CPQ: variants seen among roughly 807,000 people sequenced by gnomAD.
CPQ encodes Ser-Met dipeptidase.
A neutral mutation model predicts 45.7 loss-of-function variants in CPQ; 37 were observed. That is an observed-to-expected ratio of 0.81 (90% CI 0.62 to 1.07). The LOEUF is 1.07. Among genes scored for constraint, CPQ ranks in the 50% least tolerant of loss-of-function variants. The probability of loss-of-function intolerance (pLI) is 0.00; values close to 1 mark genes in which losing one functional copy is unlikely to be tolerated. For synonymous variants in CPQ, 186 were observed against 205.8 expected (o/e 0.90, Z 0.82); for missense variants, 537 against 572.9 (o/e 0.94, Z 0.64).
chr8:96,738,190 A>C (rs1035254813), intron 1 of CPQ, among the ~76,000 whole-genome samples: 20 of 152,078 alleles, frequency 1.3e-4, no homozygotes, highest in African/African-American at 4.8e-4. Flanking sequence ...GTGTATTCTC[A>C]AGTTGTTGGA....
chr8:96,698,327 C>T (rs1207253563), intron 1 of CPQ, among the ~76,000 whole-genome samples: 1 of 152,054 alleles, frequency 6.6e-6, no homozygotes, highest in African/African-American at 2.4e-5. Context: ...CCCCATCTTT[C>T]ATGATATACA....
chr8:96,925,420 A>G (rs1029810607), intron 4 of CPQ, among the ~76,000 whole-genome samples: 65 of 145,984 alleles, frequency 4.5e-4, no homozygotes, highest in Non-Finnish European at 8.1e-4. Context: ...GTCTCACTCC[A>G]TCCCCCAGGC....
chr8:96,665,512 T>C (rs116439791), intron 1 of CPQ, among the ~76,000 whole-genome samples: 3,710 of 152,224 alleles, frequency 0.024, 160 homozygotes, highest in African/African-American at 0.084. Flanking sequence ...AAGAGGGAAA[T>C]CCCGAGTTAG....
At chr8:96,908,569 A>G (rs1812611804) in intron 4 of CPQ, among the ~76,000 whole-genome samples, 1 of 152,174 alleles carries the variant, frequency 6.6e-6, no homozygotes, top group African/African-American at 2.4e-5. Flanking sequence ...ATCTGAAGGC[A>G]CATTTGAGGG....
chr8:96,815,977 T>A (rs1427069865), intron 2 of CPQ, among the ~76,000 whole-genome samples: 3 of 152,192 alleles, frequency 2.0e-5, no homozygotes, highest in Non-Finnish European at 4.4e-5. Flanking sequence ...TGCCTTGATG[T>A]TGACGGCTGC....
At chr8:96,855,228 G>GTT (rs1811831039) in intron 3 of CPQ, among the ~76,000 whole-genome samples, 1 of 152,168 alleles carries the variant, frequency 6.6e-6, no homozygotes, top group Admixed American at 6.5e-5. Flanking sequence ...CCAGAATAAA[G>GTT]TTTGACCAAA....
At chr8:97,095,120 G>A (rs899798639) in intron 7 of CPQ, among the ~76,000 whole-genome samples, 1 of 151,920 alleles carries the variant, frequency 6.6e-6, no homozygotes, top group African/African-American at 2.4e-5. Context: ...CTCATCCTTG[G>A]ACTCTATTTA....
At chr8:96,648,513 C>T (rs987745654) in intron 1 of CPQ, among the ~76,000 whole-genome samples, 4 of 152,156 alleles carry the variant, frequency 2.6e-5, no homozygotes, top group Middle Eastern at 3.4e-3. Context: ...GAGGGATGTA[C>T]TTGTGGATCT....
rs114180228 is a variant in CPQ, at chr8:96,668,972, G to T, written c.-35+23570G>T. ...ACTTTTAAAAAGTAACCACTCTATT[G>T]CAAACAAACAGAAAAAATTGTGGCC... On this transcript the variant is annotated intron_variant, in intron 1 of 7. Transcript: ENST00000220763. Among the ~76,000 whole-genome samples, 475 of 152,246 alleles carry T rather than the reference G, an allele frequency of 3.1e-3. 4 individuals carry two copies. Among genetic ancestry groups the T allele is most frequent in the African/African-American group, 0.011 (448 of 41,546 alleles).
chr8:97,116,664 A>T (rs1428036854), intron 7 of CPQ, among the ~76,000 whole-genome samples: 1 of 152,204 alleles, frequency 6.6e-6, no homozygotes, highest in Non-Finnish European at 1.5e-5. Flanking sequence ...TGTGATATAA[A>T]TGAAACCCCG....
chr8:96,710,061 G>A (rs556714590), intron 1 of CPQ, among the ~76,000 whole-genome samples: 1 of 151,942 alleles, frequency 6.6e-6, no homozygotes, highest in Non-Finnish European at 1.5e-5. Context: ...CTGATTCGAT[G>A]TTACTGCTTG....
At chr8:96,676,734 G>T (rs1586354665) in intron 1 of CPQ, among the ~76,000 whole-genome samples, 1 of 151,892 alleles carries the variant, frequency 6.6e-6, no homozygotes, top group East Asian at 1.9e-4. Context: ...ACATGGATAG[G>T]CTGTTTAGTG....
At chr8:97,044,474 T>G (rs1300757490) in intron 6 of CPQ, among the ~76,000 whole-genome samples, 1 of 152,246 alleles carries the variant, frequency 6.6e-6, no homozygotes, top group African/African-American at 2.4e-5. Context: ...GAAGCCTTCT[T>G]CTCTCAACTT....
chr8:97,129,623 A>G (rs1347406960), intron 7 of CPQ, among the ~76,000 whole-genome samples: 1 of 152,172 alleles, frequency 6.6e-6, no homozygotes, highest in African/African-American at 2.4e-5. Context: ...CCACGCTCAC[A>G]GCGAAACAGC....
chr8:96,962,360 G>A (rs897122974), intron 4 of CPQ, among the ~76,000 whole-genome samples: 1 of 152,188 alleles, frequency 6.6e-6, no homozygotes, highest in African/African-American at 2.4e-5. Context: ...AAAGGAATTG[G>A]TCAGTGCCTT....
rs148220438 is a variant in CPQ, at chr8:97,039,191, G to A, written c.1053+9697G>A. ...CATAATTACCTTGTTGGAGGAAGAAGTTAATGTACTTCCCGAGTATTTCTA... is the reference window on the plus strand; with the variant it reads ...CATAATTACCTTGTTGGAGGAAGAAATTAATGTACTTCCCGAGTATTTCTA... On this transcript the variant is annotated intron_variant, in intron 6 of 7. Transcript: ENST00000220763. 7.0e-3 allele frequency among the ~76,000 whole-genome samples: 1,069 copies of A among 152,268 alleles called. 13 individuals carry two copies. Among genetic ancestry groups the A allele is most frequent in the African/African-American group, 0.024 (1,007 of 41,532 alleles).
intron 4 of CPQ, among the ~76,000 whole-genome samples, chr8:96,908,747 G>GCACACACACACACACA (rs34425501): frequency 5.8e-4 from 82 of 141,010 alleles, no homozygotes; most frequent in African/African-American, 1.6e-3. Context: ...ATACACATGC[G>GCACACACACACACACA]CACACACACA....
intron 1 of CPQ, among the ~76,000 whole-genome samples, chr8:96,695,520 A>G (rs188139140): frequency 6.6e-6 from 1 of 152,174 alleles, no homozygotes; most frequent in African/African-American, 2.4e-5. Flanking sequence ...AAAATGAGAG[A>G]AAATTTTCGC....
chr8:96,720,194 A>G (rs1809744214), intron 1 of CPQ, among the ~76,000 whole-genome samples: 3 of 152,212 alleles, frequency 2.0e-5, no homozygotes, highest in Non-Finnish European at 4.4e-5. Flanking sequence ...TTCCTTGAAC[A>G]TATTTAAAAT....
Sources: allele counts gnomAD v4.1 joint callset (sites outside exome capture counted in the v4.1 genomes callset), GRCh38; gene constraint gnomAD v4.1.1; transcripts MANE v1.5; gene names NCBI Gene and HGNC (gene_info 2026-07-23, HGNC 2026-07-21).